The following CLDN19 variants were observed in gnomAD, a reference collection of about 807,000 sequenced individuals.
CLDN19 encodes claudin 19.
Under a neutral mutation model 24.5 loss-of-function variants are expected in CLDN19, and 19 were observed. The ratio of observed to expected loss-of-function variants is 0.78; its 90% CI spans 0.54 to 1.14. The LOEUF (loss-of-function observed/expected upper bound fraction) is 1.14, where lower values mean the gene tolerates loss of function less well. Ranked by LOEUF, CLDN19 falls within the 50% of genes most tolerant of loss-of-function variation. The pLI is 0.00. For missense variants in CLDN19, 250 were observed against 295.9 expected, an observed-to-expected ratio of 0.84 and a Z score of 1.14; for synonymous variants, 117 against 129.6, an observed-to-expected ratio of 0.90 and a Z score of 0.66.
intron 4 of CLDN19, 53 bp from the exon 5 acceptor site, chr1:42,735,187 G>A: frequency 6.2e-7 from 1 of 1,610,226 alleles, no homozygotes; most frequent in Non-Finnish European, 8.5e-7. Flanking sequence ...TGGGGTCGGG[G>A]GCAGGGGCTG....
In CLDN19 at chr1:42,738,580, T is replaced by C. The variant is rs140190002; in HGVS notation, c.229A>G (p.Ile77Val). 1.0e-4 allele frequency: 167 copies of C among 1,613,548 alleles called. 1 individual carries two copies. The African/African-American group carries it at 1.8e-3, about 18-fold the overall frequency. ...ACCATCAGGGCCCGCGCTGATTGGA[T>C]GTGACCTAGGGTGGGCGGGATGACA... ...YDSLLALDGH[I>V]QSARALMVVA... The change falls in exon 2 of 5, where the codon ATC (isoleucine) becomes GTC (valine). Residue 77 changes from isoleucine to valine, a missense_variant. Physicochemically the swap from Ile to Val is conservative, Grantham distance 29 (BLOSUM62 3). Coordinates refer to ENST00000296387, the MANE Select transcript of CLDN19 (RefSeq NM_148960.3).
At chr1:42,735,391 C>T (rs1017856464) in intron 4 of CLDN19, 39 of 1,426,628 alleles carry the variant, frequency 2.7e-5, no homozygotes, top group Middle Eastern at 2.6e-4. Context: ...CTTGTGTGAA[C>T]GTTCAGCATC....
rs143849429 is a variant in CLDN19 at position 42,738,081 on chromosome 1, C to A, written c.473+148G>T. 1.5e-4 allele frequency: 113 copies of A among 753,836 alleles called. 1 individual carries two copies. In the African/African-American group the frequency reaches 1.9e-3, roughly 13 times the overall value. The allele number at this position is 753,836 out of a possible 1,614,324, so 46.7% of individuals were successfully genotyped here. On this transcript the variant is annotated intron_variant, in intron 3 of 4. Transcript: ENST00000296387. Reference sequence around the variant, plus strand: ...ACAGGCCTCCCGCCCCTATGGAGGGCCCCACCACACTCCTCCTGGCGCCCC... The same window carrying A: ...ACAGGCCTCCCGCCCCTATGGAGGGACCCACCACACTCCTCCTGGCGCCCC...
chr1:42,734,891 C>T lies in CLDN19; in HGVS notation c.*195G>A. The T allele has an allele frequency of 1.6e-6, 1 of 619,390 alleles. No homozygotes were observed. Among genetic ancestry groups the T allele is most frequent in the South Asian group, 2.0e-5 (1 of 50,794 alleles). 38.4% of individuals were successfully genotyped at this position (619,390 alleles called of 1,614,324 possible). A position where few individuals can be genotyped will look rare whatever the true frequency, so the allele number is the denominator to read the frequency against. ...GTGCTATGTAACCCACCCTGGACCT[C>T]TGTCTCCTCATCTTTCTGCCCAAGA... On this transcript the variant is annotated 3_prime_UTR_variant, in exon 5 of 5. Coordinates refer to ENST00000296387, the MANE Select transcript of CLDN19 (RefSeq NM_148960.3).
At chr1:42,739,807 C>T in intron 1 of CLDN19, 34 bp downstream of exon 1, 3 of 1,587,556 alleles carry the variant, frequency 1.9e-6, no homozygotes, top group Admixed American at 1.7e-5. Context: ...CTGTTCCCAC[C>T]TCCCATCTCC....
rs951754166 is a variant in CLDN19, at chr1:42,733,482, C to T, written c.*1604G>A. On this transcript the variant is annotated 3_prime_UTR_variant, in exon 5 of 5. Transcript: ENST00000296387. ...CAGTGCTGACCACACACTACAGTCC[C>T]CTGAGGAGCTACATGACTTCTGATG... The T allele has an allele frequency of 6.6e-5, 10 of 152,256 alleles. No homozygotes were observed. Among genetic ancestry groups the T allele is most frequent in the African/African-American group, 2.4e-4 (10 of 41,438 alleles). 9.4% of individuals were successfully genotyped at this position (152,256 alleles called of 1,614,324 possible).
chr1:42,738,450 A>G lies in CLDN19; in HGVS notation c.359T>C (p.Ile120Thr). The G allele has an allele frequency of 6.2e-7, 1 of 1,614,018 alleles. No homozygotes were observed. The highest frequency in any genetic ancestry group is 8.5e-7 in the Non-Finnish European group (1 of 1,180,038). The change falls in exon 2 of 5, where the codon ATC becomes ACC. Residue 120 changes from isoleucine (I) to threonine (T), a missense_variant. Physicochemically the swap from Ile to Thr is moderately conservative, Grantham distance 89. Coordinates refer to ENST00000296387, the MANE Select transcript of CLDN19 (RefSeq NM_148960.3). ...CAGGATGAAGAGGGCTCCCCCGGCG[A>G]TGGCAACACGGCCCTTGGCAATGGG... ...SNPIAKGRVA[I>T]AGGALFILAG...
In CLDN19 at chr1:42,740,124, G is replaced by T. The variant is rs1214567441; in HGVS notation, c.-61C>A. ...GAGCTGGGCCAGGGTGCCAGCAGGG[G>T]CTTTGGTCATGGCCAGGTGGGAGGA... is the stretch of plus-strand genomic sequence containing the variant. On this transcript the variant is annotated 5_prime_UTR_variant, in exon 1 of 5. Transcript: ENST00000296387. The T allele has an allele frequency of 2.2e-6, 3 of 1,359,822 alleles. No individual in the cohort carries two copies. The highest frequency in any genetic ancestry group is 2.0e-6 in the Non-Finnish European group (2 of 981,838). 84.2% of individuals were successfully genotyped at this position (1,359,822 alleles called of 1,614,324 possible).
chr1:42,738,168 G>T, intron 3 of CLDN19, 61 bp downstream of exon 3: 1 of 1,334,300 alleles, frequency 7.5e-7, no homozygotes, highest in Non-Finnish European at 1.1e-6. Flanking sequence ...AGGTGATCCA[G>T]TGGACAAAGG....
rs1475211264 is a variant in CLDN19, at chr1:42,739,892, T to C, written c.172A>G (p.Ser58Gly). The C allele has an allele frequency of 1.2e-6, 2 of 1,613,114 alleles. No homozygotes were observed. Among genetic ancestry groups the C allele is most frequent in the South Asian group, 2.2e-5 (2 of 90,924 alleles). Residue 58 changes from serine to glycine, a missense_variant, in exon 1 of 5, where the codon AGC (serine) becomes GGC (glycine). By Grantham distance (56) the Ser-to-Gly change is moderately conservative. Coordinates refer to ENST00000296387, the MANE Select transcript of CLDN19 (RefSeq NM_148960.3). ...EGLWMSCASQ[S>G]TGQVQCKLYD... ...AGCTTGCACTGCACTTGCCCAGTGCTCTGGGAGGCGCAGGACATCCAGAGC... is the reference window on the plus strand; with the variant it reads ...AGCTTGCACTGCACTTGCCCAGTGCCCTGGGAGGCGCAGGACATCCAGAGC...
chr1:42,736,002 C>A lies in CLDN19; in HGVS notation c.502G>T (p.Gly168Cys), dbSNP rs1473655950. 2 of 1,576,434 alleles carry A rather than the reference C, an allele frequency of 1.3e-6. No homozygotes were observed. Among genetic ancestry groups the A allele is most frequent in the Non-Finnish European group, 1.7e-6 (2 of 1,162,486 alleles). ...ACGGCCAGGCCAGCTGAGGCCCAGCCCACGAACAGGGCTGGGCCAAATTCA... is the reference window on the plus strand; with the variant it reads ...ACGGCCAGGCCAGCTGAGGCCCAGCACACGAACAGGGCTGGGCCAAATTCA... The part of the protein sequence containing the change: ...RYEFGPALFV[G>C]WASAGLAVLG... Residue 168 changes from glycine to cysteine, a missense_variant, in exon 4 of 5, where the codon GGC (glycine) becomes TGC (cysteine). Physicochemically the swap from Gly to Cys is radical, Grantham distance 159. Coordinates refer to ENST00000296387, the MANE Select transcript of CLDN19 (RefSeq NM_148960.3).
At position 42,735,886 on chromosome 1, in the gene CLDN19, A is replaced by G; in HGVS notation, c.618T>C (p.Ala206=). ...PQPYRPGPSA[A]AREPVVKLPA... Reference sequence around the variant, plus strand: ...GCGGAGCTCAGACGTACTCTCGGGCAGCAGCAGAGGGTCCAGGCCGATAGG... The same window carrying G: ...GCGGAGCTCAGACGTACTCTCGGGCGGCAGCAGAGGGTCCAGGCCGATAGG... The change falls in exon 4 of 5, where the codon GCT becomes GCC. Residue 206 remains alanine, a synonymous_variant. Coordinates refer to ENST00000296387, the MANE Select transcript of CLDN19 (RefSeq NM_148960.3). 6.3e-7 allele frequency: 1 copy of G among 1,577,930 alleles called. No homozygotes were observed. Among genetic ancestry groups the G allele is most frequent in the Admixed American group, 1.8e-5 (1 of 54,466 alleles).
chr1:42,738,154 C>T (rs146358788), intron 3 of CLDN19, 75 bp downstream of exon 3: 28 of 1,228,876 alleles, frequency 2.3e-5, no homozygotes, highest in African/African-American at 4.4e-5. Context: ...CCACTTCCCC[C>T]GCCAGGTGAT....
rs1309299294 is a variant in CLDN19, at chr1:42,735,099, G to C, written c.662C>G (p.Pro221Arg). The C allele has an allele frequency of 6.2e-7, 1 of 1,611,782 alleles. No homozygotes were observed. The highest frequency in any genetic ancestry group is 2.2e-5 in the East Asian group (1 of 44,884). Residue 221 changes from proline to arginine, a missense_variant, in exon 5 of 5, where the codon CCC (proline) becomes CGC (arginine). Pro to Arg is a moderately radical substitution (Grantham distance 103). Transcript: ENST00000296387. The stretch of plus-strand genomic sequence containing the variant: ...GGGGACTGGACATTACACACCCAGG[G>C]GGCCCTTGGCGGAGGCGGGCAATTT... ...VVKLPASAKG[P>R]LGV
At chr1:42,735,758 G>T (rs1466485858) in intron 4 of CLDN19, 120 bp downstream of exon 4, 2 of 1,513,124 alleles carry the variant, frequency 1.3e-6, no homozygotes, top group Non-Finnish European at 1.8e-6. Flanking sequence ...GCTGCTCAGA[G>T]CACCTATGCC....
chr1:42,737,836 C>T (rs1416314290), intron 3 of CLDN19, among the ~76,000 whole-genome samples: 1 of 152,220 alleles, frequency 6.6e-6, no homozygotes, highest in African/African-American at 2.4e-5. Context: ...GCGCCCGCCA[C>T]CATGCCCAGA....
intron 1 of CLDN19, 123 bp from the exon 2 acceptor site, chr1:42,738,708 A>T (rs1482792490): frequency 2.3e-6 from 2 of 856,974 alleles, no homozygotes; most frequent in African/African-American, 1.7e-5. Context: ...GGGGGGTCAG[A>T]CCACCTTCTG....
chr1:42,739,753 C>A, intron 1 of CLDN19, 88 bp downstream of exon 1: 4 of 1,097,320 alleles, frequency 3.6e-6, no homozygotes, highest in Non-Finnish European at 5.4e-6. Flanking sequence ...TGGAGCCCAG[C>A]GCAGATAGCA....
chr1:42,738,515 G>A lies in CLDN19; in HGVS notation c.294C>T (p.Ser98=), dbSNP rs756289810. ...VLLGFVAMVL[S]VVGMKCTRVG... is the part of the protein sequence containing the mutation. ...CCCGCGTACACTTCATGCCAACTAC[G>A]CTGAGGACCATGGCCACGAAGCCCA... The change falls in exon 2 of 5, where the codon AGC becomes AGT. Residue 98 remains serine (S), a synonymous_variant. Coordinates refer to ENST00000296387, the MANE Select transcript of CLDN19 (RefSeq NM_148960.3). The A allele has an allele frequency of 5.6e-6, 9 of 1,614,028 alleles. No homozygotes were observed. The highest frequency in any genetic ancestry group is 2.2e-5 in the East Asian group (1 of 44,882).
Sources: allele counts gnomAD v4.1 joint callset (sites outside exome capture counted in the v4.1 genomes callset), GRCh38; gene constraint gnomAD v4.1.1; transcripts MANE v1.5; gene names NCBI Gene and HGNC (gene_info 2026-07-23, HGNC 2026-07-21).